PAFAH1B1: variants seen among roughly 807,000 people sequenced by gnomAD.
PAFAH1B1 encodes platelet-activating factor acetylhydrolase IB subunit beta.
Under a neutral mutation model 57.5 loss-of-function variants are expected in PAFAH1B1, and 2 were observed. That is an observed-to-expected ratio of 0.03 (90% CI 0.01 to 0.11). PAFAH1B1 has a LOEUF of 0.11. PAFAH1B1 is among the 10% of genes least tolerant of loss of function. PAFAH1B1 has a pLI of 1.00. For synonymous variants in PAFAH1B1, 152 were observed against 169.6 expected, an observed-to-expected ratio of 0.90 and a Z score of 0.81; for missense variants, 257 against 512.0, an observed-to-expected ratio of 0.50 and a Z score of 4.81.
chr17:2,639,297 T>C (rs573821814), intron 2 of PAFAH1B1: 3 of 152,182 alleles, frequency 2.0e-5, no homozygotes, highest in African/African-American at 7.2e-5. Context: ...ATTAGAAAAA[T>C]GAAAGCTGTT....
intron 9 of PAFAH1B1, among the ~76,000 whole-genome samples, 161 bp downstream of exon 9, chr17:2,676,767 T>C (rs964044345): frequency 3.9e-5 from 6 of 152,258 alleles, no homozygotes; most frequent in Non-Finnish European, 8.8e-5. Context: ...GTTATAGTGA[T>C]GTGAAAGTTA....
rs1338482338 is a variant in PAFAH1B1 at position 2,685,077 on chromosome 17, G to A, written c.*3275G>A. 6.6e-6 allele frequency: 1 copy of A among 150,786 alleles called. No homozygotes were observed. Among genetic ancestry groups the A allele is most frequent in the Non-Finnish European group, 1.5e-5 (1 of 67,974 alleles). The allele number at this position is 150,786 out of a possible 1,614,324, so 9.3% of individuals were successfully genotyped here. A position where few individuals can be genotyped will look rare whatever the true frequency, so the allele number is the denominator to read the frequency against. On this transcript the variant is annotated 3_prime_UTR_variant, in exon 11 of 11. Coordinates refer to ENST00000397195, the MANE Select transcript of PAFAH1B1 (RefSeq NM_000430.4). ...TCATGTCCAGCTGTATATAAGTCCA[G>A]TGTGTTCATCTAGATGACGCAAAGA...
At chr17:2,612,396 C>T (rs551966172) in intron 1 of PAFAH1B1, among the ~76,000 whole-genome samples, 3 of 151,404 alleles carry the variant, frequency 2.0e-5, no homozygotes, top group South Asian at 2.1e-4. Context: ...TTAGTAGAGA[C>T]GAGGTTTTGC....
intron 1 of PAFAH1B1, among the ~76,000 whole-genome samples, chr17:2,607,869 C>A (rs574651382): frequency 5.9e-5 from 9 of 152,134 alleles, no homozygotes; most frequent in East Asian, 1.9e-4. Flanking sequence ...TGTATATAGC[C>A]CTTCGTTCCA....
intron 1 of PAFAH1B1, among the ~76,000 whole-genome samples, chr17:2,610,171 G>A (rs1318127726): frequency 6.6e-6 from 1 of 152,176 alleles, no homozygotes; most frequent in Non-Finnish European, 1.5e-5. Context: ...TCTATCATTG[G>A]TGTTCTATTT....
chr17:2,643,381 A>G (rs977325724), intron 2 of PAFAH1B1, among the ~76,000 whole-genome samples: 4 of 151,870 alleles, frequency 2.6e-5, no homozygotes, highest in Non-Finnish European at 5.9e-5. Flanking sequence ...TGCCCCCCTA[A>G]TAGCTGGGAT....
At chr17:2,656,676 C>G (rs1203350256) in intron 2 of PAFAH1B1, among the ~76,000 whole-genome samples, 1 of 152,088 alleles carries the variant, frequency 6.6e-6, no homozygotes, top group Non-Finnish European at 1.5e-5. Context: ...CTGGGGATGC[C>G]TATTATGAAT....
intron 1 of PAFAH1B1, chr17:2,609,450 A>G (rs2068241809): frequency 6.6e-6 from 1 of 152,250 alleles, no homozygotes; most frequent in Admixed American, 6.5e-5. Context: ...CAAAAATGAA[A>G]AAAAGTATAG....
intron 1 of PAFAH1B1, among the ~76,000 whole-genome samples, chr17:2,621,604 TGTC>T (rs1278201610): frequency 1.8e-4 from 16 of 89,290 alleles, no homozygotes; most frequent in Non-Finnish European, 2.8e-4. Context: ...GTAGATAATC[TGTC>T]TTTTTTTTTT....
intron 5 of PAFAH1B1, 29 bp downstream of exon 5, chr17:2,667,227 G>A (rs774606116): frequency 7.7e-6 from 12 of 1,550,612 alleles, no homozygotes; most frequent in Middle Eastern, 1.7e-4. Context: ...CAGACTTAAC[G>A]GGAGGCTGAA....
chr17:2,614,732 G>A (rs950976179), intron 1 of PAFAH1B1, among the ~76,000 whole-genome samples: 2 of 152,010 alleles, frequency 1.3e-5, no homozygotes, highest in African/African-American at 4.8e-5. Flanking sequence ...ATGCCACCAT[G>A]CATGGCTAGA....
intron 1 of PAFAH1B1, among the ~76,000 whole-genome samples, chr17:2,616,799 C>G (rs761779254): frequency 1.3e-5 from 2 of 152,070 alleles, no homozygotes; most frequent in Non-Finnish European, 2.9e-5. Context: ...TGCAGTGGCT[C>G]ACGCCTGTAA....
intron 1 of PAFAH1B1, among the ~76,000 whole-genome samples, chr17:2,608,916 T>G (rs1047529057): frequency 9.8e-5 from 15 of 152,358 alleles, no homozygotes; most frequent in African/African-American, 3.4e-4. Flanking sequence ...TTCCTAAACT[T>G]CATTCTGTTT....
intron 1 of PAFAH1B1, among the ~76,000 whole-genome samples, chr17:2,610,470 A>G (rs562053712): frequency 9.8e-5 from 15 of 152,340 alleles, no homozygotes; most frequent in African/African-American, 3.1e-4. Flanking sequence ...TGTCCTTAAG[A>G]TACAAAATAA....
At chr17:2,615,916 AAAG>A (rs2068334177) in intron 1 of PAFAH1B1, among the ~76,000 whole-genome samples, 1 of 152,202 alleles carries the variant, frequency 6.6e-6, no homozygotes, top group Admixed American at 6.5e-5. Context: ...ACAGACTGAG[AAAG>A]AAGACACAAG....
intron 1 of PAFAH1B1, among the ~76,000 whole-genome samples, chr17:2,619,156 T>G (rs1264090743): frequency 1.3e-5 from 2 of 151,936 alleles, no homozygotes; most frequent in Non-Finnish European, 2.9e-5. Context: ...TTATTTTTCT[T>G]TATTTATTTT....
At chr17:2,601,919 A>G (rs929125582) in intron 1 of PAFAH1B1, among the ~76,000 whole-genome samples, 1 of 152,214 alleles carries the variant, frequency 6.6e-6, no homozygotes, top group East Asian at 1.9e-4. Flanking sequence ...AAAGTTGACA[A>G]ATGTAGAAAT....
intron 1 of PAFAH1B1, among the ~76,000 whole-genome samples, chr17:2,594,970 C>T (rs759446712): frequency 1.8e-4 from 28 of 152,192 alleles, no homozygotes; most frequent in Non-Finnish European, 3.7e-4. Flanking sequence ...GGTACCATAG[C>T]TTTATATGTT....
At chr17:2,658,233 C>T (rs1339402649) in intron 2 of PAFAH1B1, among the ~76,000 whole-genome samples, 1 of 152,156 alleles carries the variant, frequency 6.6e-6, no homozygotes, top group African/African-American at 2.4e-5. Context: ...GACATTCTCT[C>T]TCCCTCTCCC....
Sources: gnomAD v4.1 joint callset for allele counts (sites outside exome capture counted in the v4.1 genomes callset) on GRCh38, gnomAD v4.1.1 for gene constraint, MANE v1.5 for transcripts, NCBI Gene and HGNC (gene_info 2026-07-23, HGNC 2026-07-21) for gene names.